Variants in TOX3 observed in about 807,000 individuals in gnomAD.
The protein encoded by TOX3 is TOX high mobility group box family member 3.
TOX3 carries 22 observed loss-of-function variants against 64.3 expected under a neutral mutation model. The observed-to-expected ratio is 0.34, with a 90% CI of 0.24 to 0.49. TOX3 has a LOEUF of 0.49. TOX3 is among the 20% of genes least tolerant of loss of function. The pLI is 0.99. For missense variants in TOX3, 661 were observed against 714.4 expected (o/e 0.93, Z 0.85); for synonymous variants, 291 against 273.6 (o/e 1.06, Z -0.63).
intron 1 of TOX3, among the ~76,000 whole-genome samples, chr16:52,540,877 C>T (rs1159068042): frequency 4.6e-5 from 7 of 152,212 alleles, no homozygotes; most frequent in Admixed American, 4.6e-4. Context: ...ATTGAACCAT[C>T]CAAAACAACC....
At chr16:52,471,033 C>A (rs187342174) in intron 1 of TOX3, among the ~76,000 whole-genome samples, 1 of 152,206 alleles carries the variant, frequency 6.6e-6, no homozygotes, top group Non-Finnish European at 1.5e-5. Context: ...GTACCTGGGA[C>A]CCTAGTTCAG....
At chr16:52,519,920 C>A (rs943306823) in intron 1 of TOX3, among the ~76,000 whole-genome samples, 3 of 150,970 alleles carry the variant, frequency 2.0e-5, no homozygotes, top group Admixed American at 6.6e-5. Flanking sequence ...ACAGTGAGCA[C>A]TGGTCACACC....
chr16:52,536,013 A>G (rs1262143788), intron 1 of TOX3, among the ~76,000 whole-genome samples: 1 of 152,174 alleles, frequency 6.6e-6, no homozygotes, highest in African/African-American at 2.4e-5. Context: ...TATTCACTCA[A>G]ATACTAAACT....
chr16:52,536,041 T>G (rs1038071700), intron 1 of TOX3, among the ~76,000 whole-genome samples: 3 of 152,142 alleles, frequency 2.0e-5, no homozygotes, highest in Non-Finnish European at 4.4e-5. Context: ...GATCTTCTGC[T>G]CAACAGTATT....
At chr16:52,455,362 C>G (rs929580668) in intron 3 of TOX3, among the ~76,000 whole-genome samples, 1 of 152,002 alleles carries the variant, frequency 6.6e-6, no homozygotes, top group Non-Finnish European at 1.5e-5. Context: ...CCACTAGATA[C>G]CAGTAGCCGC....
intron 1 of TOX3, among the ~76,000 whole-genome samples, chr16:52,505,839 G>A (rs1037453555): frequency 1.3e-5 from 2 of 152,046 alleles, no homozygotes; most frequent in Admixed American, 1.3e-4. Context: ...AGCTGGGCAT[G>A]GTGGCACATG....
intron 4 of TOX3, 107 bp downstream of exon 4, chr16:52,450,170 T>A: frequency 7.3e-7 from 1 of 1,363,270 alleles, no homozygotes; most frequent in Non-Finnish European, 1.0e-6. Context: ...TAAATGCTAC[T>A]CCAAATCCAT....
At chr16:52,466,967 T>C (rs999293701) in intron 2 of TOX3, among the ~76,000 whole-genome samples, 4 of 152,228 alleles carry the variant, frequency 2.6e-5, no homozygotes, top group African/African-American at 9.6e-5. Context: ...CTGTGCCATC[T>C]GACCAATATC....
intron 1 of TOX3, among the ~76,000 whole-genome samples, chr16:52,479,765 T>C (rs544475000): frequency 6.6e-6 from 1 of 152,246 alleles, no homozygotes; most frequent in Non-Finnish European, 1.5e-5. Flanking sequence ...CTCTCTTGGG[T>C]TTAGAAAGGG....
chr16:52,480,453 A>T (rs1023476462), intron 1 of TOX3, among the ~76,000 whole-genome samples: 1 of 152,222 alleles, frequency 6.6e-6, no homozygotes, highest in African/African-American at 2.4e-5. Context: ...CTCTAATGAC[A>T]TGACATATTT....
chr16:52,543,991 T>C (rs1467922443), intron 1 of TOX3, among the ~76,000 whole-genome samples: 1 of 152,244 alleles, frequency 6.6e-6, no homozygotes, highest in East Asian at 1.9e-4. Context: ...TTTCACTTGT[T>C]AAGCCTAGAG....
chr16:52,489,683 C>T (rs963983868), intron 1 of TOX3, among the ~76,000 whole-genome samples: 11 of 152,268 alleles, frequency 7.2e-5, no homozygotes, highest in Non-Finnish European at 1.2e-4. Flanking sequence ...TTGCAAATTT[C>T]TTACTCCTTC....
chr16:52,521,777 T>C (rs1294372681), intron 1 of TOX3, among the ~76,000 whole-genome samples: 1 of 152,172 alleles, frequency 6.6e-6, no homozygotes, highest in Non-Finnish European at 1.5e-5. Context: ...TGCAAATTCT[T>C]GGGCCCTACC....
chr16:52,504,500 A>G lies in TOX3; in HGVS notation c.88-35926T>C, dbSNP rs534129344. Reference sequence around the variant, plus strand: ...AAAAAAAAAAGAAGTTCACACTCTAAAATGAAGAGAAATGAGAAATGTCTA... The same window carrying G: ...AAAAAAAAAAGAAGTTCACACTCTAGAATGAAGAGAAATGAGAAATGTCTA... On this transcript the variant is annotated intron_variant, in intron 1 of 6. Transcript: ENST00000219746. Among the ~76,000 whole-genome samples, 10 of 151,614 alleles carry G rather than the reference A, an allele frequency of 6.6e-5. No individual in the cohort carries two copies. In the South Asian group the frequency reaches 1.9e-3, roughly 28 times the overall value.
At chr16:52,504,561 G>A (rs192876745) in intron 1 of TOX3, among the ~76,000 whole-genome samples, 1 of 151,702 alleles carries the variant, frequency 6.6e-6, no homozygotes, top group Non-Finnish European at 1.5e-5. Flanking sequence ...ACATTAGTTA[G>A]AGACCACAGT....
chr16:52,515,076 C>G (rs1235561072), intron 1 of TOX3, among the ~76,000 whole-genome samples: 1 of 142,020 alleles, frequency 7.0e-6, no homozygotes, highest in Non-Finnish European at 1.5e-5. Flanking sequence ...AAACAGAGCT[C>G]GAGTCTGTCT....
At position 52,489,147 on chromosome 16, in the gene TOX3, T is replaced by C. The variant is rs539372935; in HGVS notation, c.88-20573A>G. Reference sequence around the variant, plus strand: ...TGAATCCCACTCCACCATGGTTTGGTTTGGCTCTGTCAATTTACCTCTCAT... The same window carrying C: ...TGAATCCCACTCCACCATGGTTTGGCTTGGCTCTGTCAATTTACCTCTCAT... On this transcript the variant is annotated intron_variant, in intron 1 of 6. Coordinates refer to ENST00000219746, the MANE Select transcript of TOX3 (RefSeq NM_001080430.4). Among the ~76,000 whole-genome samples, 5 of 152,306 alleles carry C rather than the reference T, an allele frequency of 3.3e-5. No individual in the cohort carries two copies. In the South Asian group the frequency reaches 1.0e-3, roughly 32 times the overall value.
Position 52,439,599 on chromosome 16 carries a change from G to T in TOX3, c.1357C>A (p.Gln453Lys). 1 of 1,601,974 alleles carries T rather than the reference G, an allele frequency of 6.2e-7. No homozygotes were observed. Among genetic ancestry groups the T allele is most frequent in the South Asian group, 1.1e-5 (1 of 90,434 alleles). Residue 453 changes from glutamine to lysine, a missense_variant, in exon 7 of 7, where the codon CAA (glutamine) becomes AAA (lysine). Physicochemically the swap from Gln to Lys is moderately conservative, Grantham distance 53. Transcript: ENST00000219746. Reference sequence around the variant, plus strand: ...TGCTGCATCTGTTGCATCTGTTGTTGTTGCTGCTGCTGCTGCTGCTGCAAT... The same window carrying T: ...TGCTGCATCTGTTGCATCTGTTGTTTTTGCTGCTGCTGCTGCTGCTGCAAT... ...MQLQQQQQQQ[Q>K]QQMQQMQQQQ... is the part of the protein sequence containing the mutation.
At chr16:52,545,058 A>G (rs1963147706) in intron 1 of TOX3, among the ~76,000 whole-genome samples, 1 of 152,222 alleles carries the variant, frequency 6.6e-6, no homozygotes, top group Admixed American at 6.5e-5. Flanking sequence ...ATTCTCAGAA[A>G]CACTACATAC....
Sources: gnomAD v4.1 joint callset for allele counts (sites outside exome capture counted in the v4.1 genomes callset) on GRCh38, gnomAD v4.1.1 for gene constraint, MANE v1.5 for transcripts, NCBI Gene and HGNC (gene_info 2026-07-23, HGNC 2026-07-21) for gene names.